The following VAMP4 variants were observed in gnomAD, a reference collection of about 807,000 sequenced individuals.
VAMP4 encodes vesicle-associated membrane protein 4.
VAMP4 carries 19 observed loss-of-function variants against 23.5 expected under a neutral mutation model. That is an observed-to-expected ratio of 0.81 (90% confidence interval 0.56 to 1.19). The LOEUF (loss-of-function observed/expected upper bound fraction) is 1.19. Among genes scored for constraint, VAMP4 ranks in the 50% most tolerant of loss-of-function variants. VAMP4 has a pLI of 0.00. For missense variants in VAMP4, 145 were observed against 168.6 expected, an observed-to-expected ratio of 0.86 and a Z score of 0.78; for synonymous variants, 31 against 51.0, an observed-to-expected ratio of 0.61 and a Z score of 1.67.
rs542916208 is a variant in VAMP4 at position 171,704,144 on chromosome 1, C to A, written c.*362G>T. On this transcript the variant is annotated 3_prime_UTR_variant, in exon 8 of 8. Coordinates refer to ENST00000236192, the MANE Select transcript of VAMP4 (RefSeq NM_003762.5). ...AGGCTTCCTGACCCCCAGCATGACCCGCTCCCTAATGCAATAATGCAAGTC... is the reference window on the plus strand; with the variant it reads ...AGGCTTCCTGACCCCCAGCATGACCAGCTCCCTAATGCAATAATGCAAGTC... The A allele has an allele frequency of 4.8e-4, 76 of 158,330 alleles. No homozygotes were observed. Among genetic ancestry groups the A allele is most frequent in the South Asian group, 1.0e-3 (5 of 4,882 alleles). 9.8% of individuals were successfully genotyped at this position (158,330 alleles called of 1,614,324 possible).
chr1:171,733,804 A>G (rs1415648910), intron 2 of VAMP4, among the ~76,000 whole-genome samples: 1 of 152,176 alleles, frequency 6.6e-6, no homozygotes, highest in East Asian at 1.9e-4. Context: ...GAGTTACTAC[A>G]ATACTCAGCA....
intron 2 of VAMP4, among the ~76,000 whole-genome samples, chr1:171,736,538 A>C (rs935210089): frequency 2.6e-5 from 4 of 152,232 alleles, no homozygotes; most frequent in African/African-American, 9.6e-5. Context: ...AATTATGGCA[A>C]AGAAGGAGTA....
At chr1:171,735,641 T>C (rs960526118) in intron 2 of VAMP4, among the ~76,000 whole-genome samples, 1 of 152,162 alleles carries the variant, frequency 6.6e-6, no homozygotes, top group African/African-American at 2.4e-5. Context: ...CTTGGGGCAA[T>C]AGGAAAGAGG....
At position 171,702,618 on chromosome 1, in the gene VAMP4, C is replaced by T. The variant is rs2124831343; in HGVS notation, c.*1888G>A. The stretch of plus-strand genomic sequence containing the variant: ...GCCTAGTTCCAATTCAAATAAAGGA[C>T]ATACATACAAATGTTAGGACTGATT... On this transcript the variant is annotated 3_prime_UTR_variant, in exon 8 of 8. Transcript: ENST00000236192. The T allele has an allele frequency of 6.6e-6, 1 of 152,016 alleles. No homozygotes were observed. Among genetic ancestry groups the T allele is most frequent in the East Asian group, 1.9e-4 (1 of 5,178 alleles). The allele number at this position is 152,016 out of a possible 1,614,324, so 9.4% of individuals were successfully genotyped here.
At chr1:171,739,865 T>C (rs79886716) in intron 1 of VAMP4, among the ~76,000 whole-genome samples, 149 of 152,354 alleles carry the variant, frequency 9.8e-4, no homozygotes, top group African/African-American at 3.4e-3. Context: ...CTAATATGCA[T>C]TGTGACTTTC....
intron 2 of VAMP4, among the ~76,000 whole-genome samples, chr1:171,729,534 C>T (rs1655491344): frequency 6.6e-6 from 1 of 152,158 alleles, no homozygotes; most frequent in South Asian, 2.1e-4. Flanking sequence ...CATGCTGGTA[C>T]TTAAAAAAGT....
In VAMP4 at chr1:171,701,869, A is replaced by G. The variant is rs958517251; in HGVS notation, c.*2637T>C. 6.6e-6 allele frequency: 1 copy of G among 152,180 alleles called. No individual in the cohort carries two copies. The highest frequency in any genetic ancestry group is 1.5e-5 in the Non-Finnish European group (1 of 67,976). The allele number at this position is 152,180 out of a possible 1,614,324, so 9.4% of individuals were successfully genotyped here. A position where few individuals can be genotyped will look rare whatever the true frequency, so the allele number is the denominator to read the frequency against. ...AAGGAGTAACCAATTAATCAGTATT[A>G]TAACAACAAAATTGCTGCAAGGCAA... On this transcript the variant is annotated 3_prime_UTR_variant, in exon 8 of 8. Coordinates refer to ENST00000236192, the MANE Select transcript of VAMP4 (RefSeq NM_003762.5).
At position 171,731,407 on chromosome 1, in the gene VAMP4, AAAGTAT is replaced by A. The variant is rs908353362; in HGVS notation, c.67-2843_67-2838del. 2.9e-4 allele frequency among the ~76,000 whole-genome samples: 44 copies of A among 149,348 alleles called. 1 individual carries two copies. The highest frequency in any genetic ancestry group is 1.0e-3 in the African/African-American group (42 of 40,322). On this transcript the variant is annotated intron_variant, in intron 2 of 7. Transcript: ENST00000236192. ...GTTGTGCACACGTACCCTAAAACTT[AAAGTAT>A]AATAATAATAATAAAAAAAACAGGA...
rs1372826184 is a variant in VAMP4 at position 171,701,994 on chromosome 1, T to G, written c.*2512A>C. On this transcript the variant is annotated 3_prime_UTR_variant, in exon 8 of 8. Coordinates refer to ENST00000236192, the MANE Select transcript of VAMP4 (RefSeq NM_003762.5). Reference sequence around the variant, plus strand: ...TATCAACTAGTATTTGCAAAGCTACTTGAATTTTTCTGTTGATCTTCACTT... The same window carrying G: ...TATCAACTAGTATTTGCAAAGCTACGTGAATTTTTCTGTTGATCTTCACTT... The G allele has an allele frequency of 6.6e-6, 1 of 152,110 alleles. No homozygotes were observed. Among genetic ancestry groups the G allele is most frequent in the South Asian group, 2.1e-4 (1 of 4,832 alleles). 9.4% of individuals were successfully genotyped at this position (152,110 alleles called of 1,614,324 possible). A position where few individuals can be genotyped will look rare whatever the true frequency, so the allele number is the denominator to read the frequency against.
At chr1:171,731,799 G>A (rs1450668132) in intron 2 of VAMP4, among the ~76,000 whole-genome samples, 1 of 152,114 alleles carries the variant, frequency 6.6e-6, no homozygotes, top group Admixed American at 6.5e-5. Flanking sequence ...AAAAGCAGGG[G>A]TAGAAAAGAA....
intron 2 of VAMP4, among the ~76,000 whole-genome samples, chr1:171,729,991 T>A (rs1328392826): frequency 2.0e-5 from 3 of 152,112 alleles, no homozygotes; most frequent in Non-Finnish European, 2.9e-5. Flanking sequence ...AGACAGACAT[T>A]ACACTAATGG....
At chr1:171,712,372 G>T (rs1188028967) in intron 4 of VAMP4, among the ~76,000 whole-genome samples, 1 of 152,082 alleles carries the variant, frequency 6.6e-6, no homozygotes, top group Non-Finnish European at 1.5e-5. Context: ...TCCGATCACT[G>T]AGCTAGTTCT....
At chr1:171,719,907 G>A (rs927185875) in intron 3 of VAMP4, among the ~76,000 whole-genome samples, 20 of 151,652 alleles carry the variant, frequency 1.3e-4, no homozygotes, top group East Asian at 1.2e-3. Flanking sequence ...TGATTCTTCC[G>A]GAGATACAGA....
intron 6 of VAMP4, among the ~76,000 whole-genome samples, chr1:171,707,118 T>G (rs1654682010): frequency 6.6e-6 from 1 of 152,144 alleles, no homozygotes; most frequent in Non-Finnish European, 1.5e-5. Flanking sequence ...TTCATGCAAG[T>G]CCAAAGCTCT....
intron 6 of VAMP4, among the ~76,000 whole-genome samples, chr1:171,706,945 T>C (rs1224452185): frequency 6.6e-6 from 1 of 152,210 alleles, no homozygotes; most frequent in Non-Finnish European, 1.5e-5. Flanking sequence ...TTACCTGAAA[T>C]GTACATTAAT....
At chr1:171,722,579 T>A (rs1322813815) in intron 3 of VAMP4, among the ~76,000 whole-genome samples, 1 of 151,792 alleles carries the variant, frequency 6.6e-6, no homozygotes, top group African/African-American at 2.4e-5. Context: ...AACAACCCCA[T>A]CAAAAAGTGG....
In VAMP4 at chr1:171,703,376, G is replaced by GAT. The variant is rs1654513764; in HGVS notation, c.*1128_*1129dup. The GAT allele has an allele frequency of 7.1e-6, 1 of 141,068 alleles. No homozygotes were observed. Among genetic ancestry groups the GAT allele is most frequent in the African/African-American group, 2.6e-5 (1 of 37,962 alleles). 8.7% of individuals were successfully genotyped at this position (141,068 alleles called of 1,614,324 possible). A position where few individuals can be genotyped will look rare whatever the true frequency, so the allele number is the denominator to read the frequency against. On this transcript the variant is annotated 3_prime_UTR_variant, in exon 8 of 8. Coordinates refer to ENST00000236192, the MANE Select transcript of VAMP4 (RefSeq NM_003762.5). The stretch of plus-strand genomic sequence containing the variant: ...TCTAGCATTTGGTTACCGACTGACT[G>GAT]ATTATCATATGTGTGCGTGTGTGTG...
chr1:171,722,753 A>G (rs1655235029), intron 3 of VAMP4, among the ~76,000 whole-genome samples: 1 of 152,174 alleles, frequency 6.6e-6, no homozygotes, highest in African/African-American at 2.4e-5. Context: ...AAGTCAGGAA[A>G]CAACAGGTGC....
rs1333313061 is a variant in VAMP4 at position 171,701,708 on chromosome 1, TA to T, written c.*2797del. On this transcript the variant is annotated 3_prime_UTR_variant, in exon 8 of 8. Transcript: ENST00000236192. The stretch of plus-strand genomic sequence containing the variant: ...TTAATTACCCTTCCTCCATCTTATA[TA>T]ATATTCCATCTTCAGTAATGAACTT... 1 of 152,136 alleles carries T rather than the reference TA, an allele frequency of 6.6e-6. No individual in the cohort carries two copies. Among genetic ancestry groups the T allele is most frequent in the Non-Finnish European group, 1.5e-5 (1 of 67,986 alleles). The allele number at this position is 152,136 out of a possible 1,614,324, so 9.4% of individuals were successfully genotyped here. A position where few individuals can be genotyped will look rare whatever the true frequency, so the allele number is the denominator to read the frequency against.
Sources: gnomAD v4.1 joint callset for allele counts (sites outside exome capture counted in the v4.1 genomes callset) on GRCh38, gnomAD v4.1.1 for gene constraint, MANE v1.5 for transcripts, NCBI Gene and HGNC (gene_info 2026-07-23, HGNC 2026-07-21) for gene names.